The following NELL2 variants were observed in gnomAD, a reference collection of about 807,000 sequenced individuals.
NELL2 encodes the protein neural EGFL like 2, also known as protein kinase C-binding protein NELL2.
A neutral mutation model predicts 109.6 loss-of-function variants in NELL2; 41 were observed. That is an observed-to-expected ratio of 0.37 (90% CI 0.29 to 0.49). NELL2 has a LOEUF of 0.49. Ranked by LOEUF, NELL2 falls within the 20% of genes least tolerant of loss-of-function variation. The pLI, the probability that NELL2 is intolerant of heterozygous loss-of-function variation, is 0.98. For missense variants in NELL2, 900 were observed against 1,008.3 expected (o/e 0.89, Z 1.45); for synonymous variants, 355 against 344.7 (o/e 1.03, Z -0.33).
intron 15 of NELL2, among the ~76,000 whole-genome samples, chr12:44,538,934 T>C (rs1427759749): frequency 6.6e-6 from 1 of 152,168 alleles, no homozygotes; most frequent in Admixed American, 6.5e-5. Context: ...AGTCTCTGCA[T>C]ATGTTTTTCC....
chr12:44,677,016 C>T (rs753481139), intron 12 of NELL2, among the ~76,000 whole-genome samples: 28 of 152,028 alleles, frequency 1.8e-4, no homozygotes, highest in Non-Finnish European at 3.1e-4. Context: ...AGAAGGACAG[C>T]GCCATCTGGA....
chr12:44,784,133 CAGAAA>C (rs1202838416), intron 3 of NELL2, among the ~76,000 whole-genome samples: 3 of 152,022 alleles, frequency 2.0e-5, no homozygotes, highest in Non-Finnish European at 2.9e-5. Context: ...ATGAAACTCT[CAGAAA>C]AGTAAGAACA....
At chr12:44,800,672 A>C (rs1242939523) in intron 3 of NELL2, among the ~76,000 whole-genome samples, 1 of 152,162 alleles carries the variant, frequency 6.6e-6, no homozygotes, top group Non-Finnish European at 1.5e-5. Flanking sequence ...CCTTTCTCTT[A>C]CGTTAACAAT....
Position 44,779,777 on chromosome 12 carries a change from C to G in NELL2, c.510-18G>C, listed in dbSNP as rs771987684. On this transcript the variant is annotated intron_variant, in intron 4 of 19. Coordinates refer to ENST00000429094, the MANE Select transcript of NELL2 (RefSeq NM_001145108.2). The stretch of plus-strand genomic sequence containing the variant: ...CATAAATTCTGCAAAAAAGAAACAT[C>G]AAAGAAGGAACGTGAGTAGACAGTC... The G allele has an allele frequency of 6.2e-7, 1 of 1,613,468 alleles. No individual in the cohort carries two copies. The highest frequency in any genetic ancestry group is 2.2e-5 in the East Asian group (1 of 44,882).
At chr12:44,874,459 A>G (rs796713136) in intron 2 of NELL2, among the ~76,000 whole-genome samples, 17 of 152,316 alleles carry the variant, frequency 1.1e-4, no homozygotes, top group African/African-American at 4.1e-4. Flanking sequence ...ATCAAAGTTG[A>G]AGGTTTGCTG....
chr12:44,714,807 A>T lies in NELL2; in HGVS notation c.995-66T>A, dbSNP rs921965857. ...AAAATAGCTTAGAAGGGATCAGATC[A>T]TCTTGTAACAGCATTCCACATGTTA... On this transcript the variant is annotated intron_variant, in intron 9 of 19. Coordinates refer to ENST00000429094, the MANE Select transcript of NELL2 (RefSeq NM_001145108.2). 1.8e-5 allele frequency: 18 copies of T among 981,006 alleles called. No homozygotes were observed. In the African/African-American group the frequency reaches 2.2e-4, roughly 12 times the overall value. The allele number at this position is 981,006 out of a possible 1,614,324, so 60.8% of individuals were successfully genotyped here. A position where few individuals can be genotyped will look rare whatever the true frequency, so the allele number is the denominator to read the frequency against.
intron 9 of NELL2, among the ~76,000 whole-genome samples, chr12:44,729,520 T>A (rs1473724382): frequency 6.8e-6 from 1 of 146,416 alleles, no homozygotes; most frequent in African/African-American, 2.5e-5. Context: ...ACTTTAAAAG[T>A]AAATGGATTA....
chr12:44,568,034 T>C (rs1943725117), intron 15 of NELL2, among the ~76,000 whole-genome samples: 1 of 152,136 alleles, frequency 6.6e-6, no homozygotes, highest in Non-Finnish European at 1.5e-5. Context: ...GACTTGAATA[T>C]TAAATATTTA....
intron 2 of NELL2, among the ~76,000 whole-genome samples, chr12:44,842,085 A>G (rs962652866): frequency 3.0e-5 from 2 of 67,566 alleles, no homozygotes; most frequent in African/African-American, 1.3e-4. Context: ...GTAAGGACGG[A>G]AGGGAGGGAG....
intron 3 of NELL2, among the ~76,000 whole-genome samples, chr12:44,808,441 G>C (rs1357971349): frequency 6.6e-6 from 1 of 151,694 alleles, no homozygotes; most frequent in African/African-American, 2.4e-5. Flanking sequence ...TAATAAGGGA[G>C]GTATTAAAAT....
intron 13 of NELL2, among the ~76,000 whole-genome samples, chr12:44,651,673 T>C (rs529893560): frequency 2.6e-4 from 39 of 152,276 alleles, no homozygotes; most frequent in African/African-American, 9.4e-4. Context: ...CATTAATTCT[T>C]ATAGTAAAAT....
At chr12:44,696,001 CATG>C (rs747147072) in intron 12 of NELL2, among the ~76,000 whole-genome samples, 13 of 151,928 alleles carry the variant, frequency 8.6e-5, no homozygotes, top group Non-Finnish European at 1.3e-4. Context: ...AACAGAAACC[CATG>C]ATAAGTGAAA....
chr12:44,798,705 C>T (rs980658950), intron 3 of NELL2, among the ~76,000 whole-genome samples: 4 of 151,934 alleles, frequency 2.6e-5, no homozygotes, highest in Admixed American at 6.6e-5. Flanking sequence ...AGAACTTATG[C>T]TACCACATCT....
intron 2 of NELL2, among the ~76,000 whole-genome samples, chr12:44,869,299 T>C (rs184205614): frequency 2.2e-3 from 341 of 152,320 alleles, no homozygotes; most frequent in Non-Finnish European, 4.0e-3. Context: ...GGTTTCAAGG[T>C]CTAGAAATAA....
In NELL2 at chr12:44,789,125, C is replaced by T. The variant is rs372683018; in HGVS notation, c.336-9103G>A. On this transcript the variant is annotated intron_variant, in intron 3 of 19. Coordinates refer to ENST00000429094, the MANE Select transcript of NELL2 (RefSeq NM_001145108.2). ...GGGAGTTCTAGGGTCCTGCCCACTGCTGGGTACTACCACAGCTGATGCTCT... is the reference window on the plus strand; with the variant it reads ...GGGAGTTCTAGGGTCCTGCCCACTGTTGGGTACTACCACAGCTGATGCTCT... Among the ~76,000 whole-genome samples the T allele has an allele frequency of 2.1e-4, 32 of 152,282 alleles. 1 individual carries two copies. In the South Asian group the frequency reaches 6.6e-3, roughly 32 times the overall value.
intron 12 of NELL2, among the ~76,000 whole-genome samples, chr12:44,672,334 G>A (rs1566130351): frequency 6.6e-6 from 1 of 152,114 alleles, no homozygotes; most frequent in Admixed American, 6.5e-5. Context: ...GATTCTTATA[G>A]GAGTGCAACC....
At chr12:44,905,199 T>C (rs1592714887) in intron 1 of NELL2, among the ~76,000 whole-genome samples, 1 of 152,154 alleles carries the variant, frequency 6.6e-6, no homozygotes, top group South Asian at 2.1e-4. Flanking sequence ...GATTTTCAGA[T>C]TGGGTATCTC....
chr12:44,920,378 T>A (rs1945860002), intron 1 of NELL2, among the ~76,000 whole-genome samples: 1 of 152,156 alleles, frequency 6.6e-6, no homozygotes, highest in Non-Finnish European at 1.5e-5. Context: ...GCCTTTCAGT[T>A]CCTTGAAATT....
chr12:44,801,356 T>C (rs771954772), intron 3 of NELL2, among the ~76,000 whole-genome samples: 4 of 152,124 alleles, frequency 2.6e-5, no homozygotes, highest in Non-Finnish European at 5.9e-5. Flanking sequence ...TAAATAAAAA[T>C]GCCCAACAGA....
Sources: gnomAD v4.1 joint callset for allele counts (sites outside exome capture counted in the v4.1 genomes callset) on GRCh38, gnomAD v4.1.1 for gene constraint, MANE v1.5 for transcripts, NCBI Gene and HGNC (gene_info 2026-07-23, HGNC 2026-07-21) for gene names.